KCNH1: variants seen among roughly 807,000 people sequenced by gnomAD.
The protein encoded by KCNH1 is potassium voltage-gated channel subfamily H member 1.
KCNH1 carries 27 observed loss-of-function variants against 69.2 expected under a neutral mutation model. That is an observed-to-expected ratio of 0.39 (90% confidence interval 0.29 to 0.54). The LOEUF is 0.54. Among genes scored for constraint, KCNH1 ranks in the 20% least tolerant of loss-of-function variants. The pLI is 0.68. For missense variants in KCNH1, 798 were observed against 1,261.6 expected, an observed-to-expected ratio of 0.63 and a Z score of 5.57; for synonymous variants, 456 against 487.7, an observed-to-expected ratio of 0.93 and a Z score of 0.86.
At chr1:211,101,085 G>A (rs928497718) in intron 3 of KCNH1, among the ~76,000 whole-genome samples, 93 of 152,272 alleles carry the variant, frequency 6.1e-4, no homozygotes, top group African/African-American at 2.2e-3. Context: ...ACTTATGCCT[G>A]TTAGGAAGAT....
At chr1:211,025,121 C>T (rs1220081299) in intron 5 of KCNH1, among the ~76,000 whole-genome samples, 9 of 152,186 alleles carry the variant, frequency 5.9e-5, no homozygotes, top group African/African-American at 2.2e-4. Context: ...TAGTCAAAGG[C>T]AACAAGCTGT....
intron 7 of KCNH1, among the ~76,000 whole-genome samples, chr1:210,866,206 G>A (rs536206739): frequency 2.0e-5 from 3 of 152,200 alleles, no homozygotes; most frequent in East Asian, 1.9e-4. Flanking sequence ...CCCTGAGTTA[G>A]GCAAAGCCTT....
chr1:211,085,432 T>G (rs1013966588), intron 4 of KCNH1, among the ~76,000 whole-genome samples: 2 of 150,026 alleles, frequency 1.3e-5, no homozygotes, highest in African/African-American at 4.9e-5. Context: ...GAGATACACA[T>G]GCCAATTTGC....
At chr1:210,691,896 C>T (rs1293806389) in intron 10 of KCNH1, among the ~76,000 whole-genome samples, 1 of 152,254 alleles carries the variant, frequency 6.6e-6, no homozygotes. Flanking sequence ...TCCTGCCTCC[C>T]TGGAGGATGC....
chr1:210,881,121 G>A (rs758143064), intron 7 of KCNH1, among the ~76,000 whole-genome samples: 88 of 151,658 alleles, frequency 5.8e-4, no homozygotes, highest in Non-Finnish European at 8.5e-4. Flanking sequence ...AGGTTCAAGC[G>A]ATTCTCGTGC....
intron 7 of KCNH1, among the ~76,000 whole-genome samples, chr1:210,895,365 A>AGG: frequency 1.3e-5 from 2 of 152,282 alleles, no homozygotes; most frequent in Middle Eastern, 6.8e-3. Flanking sequence ...AATAATTAAC[A>AGG]AAGATTAATT....
intron 7 of KCNH1, among the ~76,000 whole-genome samples, chr1:210,816,212 C>T (rs1684812882): frequency 6.6e-6 from 1 of 152,136 alleles, no homozygotes; most frequent in Admixed American, 6.5e-5. Flanking sequence ...AGCCTAAAAA[C>T]TCTCATTTAA....
rs190404347 is a variant in KCNH1 at position 210,832,100 on chromosome 1, C to T, written c.1463-27934G>A. Among the ~76,000 whole-genome samples, 62 of 152,166 alleles carry T rather than the reference C, an allele frequency of 4.1e-4. 1 individual carries two copies. In the East Asian group the frequency reaches 8.9e-3, roughly 22 times the overall value. On this transcript the variant is annotated intron_variant, in intron 7 of 10. Transcript: ENST00000271751. ...ATCTTCCCTTTTTCAGATAAACAGC[C>T]CTTGCTTTTAAATAGTTTCTCAAAA...
intron 10 of KCNH1, among the ~76,000 whole-genome samples, chr1:210,699,289 T>G (rs968120932): frequency 1.4e-4 from 21 of 152,216 alleles, no homozygotes; most frequent in Non-Finnish European, 1.2e-4. Context: ...GGCCCTCATG[T>G]GTCACTGATT....
chr1:211,113,323 T>C (rs1691506633), intron 1 of KCNH1, among the ~76,000 whole-genome samples: 1 of 152,224 alleles, frequency 6.6e-6, no homozygotes, highest in East Asian at 1.9e-4. Context: ...AATCAGACCA[T>C]TTCTATGAAT....
At chr1:210,886,223 C>A (rs1043504860) in intron 7 of KCNH1, among the ~76,000 whole-genome samples, 18 of 152,204 alleles carry the variant, frequency 1.2e-4, no homozygotes, top group African/African-American at 4.1e-4. Context: ...TGCTGTTCTG[C>A]AGCCTCTGCT....
At chr1:210,861,473 G>T in intron 7 of KCNH1, 1 of 775,224 alleles carries the variant, frequency 1.3e-6, no homozygotes. Flanking sequence ...AAAAAGTCTT[G>T]CTAAAATATG....
chr1:210,708,536 C>G (rs1681971773), intron 10 of KCNH1, among the ~76,000 whole-genome samples: 1 of 152,024 alleles, frequency 6.6e-6, no homozygotes, highest in African/African-American at 2.4e-5. Context: ...CATAAATTGA[C>G]CCTATATAAA....
chr1:210,894,593 T>C (rs1363776525), intron 7 of KCNH1, among the ~76,000 whole-genome samples: 2 of 152,196 alleles, frequency 1.3e-5, no homozygotes, highest in Non-Finnish European at 2.9e-5. Context: ...GGTCTGAATA[T>C]GTCCCTCAAA....
rs145248227 is a variant in KCNH1 at position 210,683,309 on chromosome 1, G to T, written c.2942C>A (p.Ser981Ter). 1 of 1,613,768 alleles carries T rather than the reference G, an allele frequency of 6.2e-7. No individual in the cohort carries two copies. The highest frequency in any genetic ancestry group is 8.5e-7 in the Non-Finnish European group (1 of 1,179,938). The change falls in exon 11 of 11, where the codon TCA becomes TAA. Residue 981 changes from serine to a stop codon, truncating the protein, a stop_gained. Coordinates refer to ENST00000271751, the MANE Select transcript of KCNH1 (RefSeq NM_172362.3). LOFTEE classifies it high-confidence loss of function. This position sits in a 1 kb window ranked among gnomAD's most constrained non-coding sequence, Gnocchi z 5.7. ...GCTGGCTCCAAAAATGTCTCTCTCT[G>T]ATTCTGGGGACTGTGGCCTCGATAT... is the stretch of plus-strand genomic sequence containing the variant. ...FEISRPQSPE[S>*]ERDIFGAS
intron 8 of KCNH1, among the ~76,000 whole-genome samples, chr1:210,803,048 C>T (rs747199137): frequency 6.6e-6 from 1 of 152,178 alleles, no homozygotes; most frequent in African/African-American, 2.4e-5. Flanking sequence ...CTCACCTCCC[C>T]CAAGTTCTCA....
intron 10 of KCNH1, among the ~76,000 whole-genome samples, chr1:210,725,818 C>T (rs1682577028): frequency 6.6e-6 from 1 of 152,176 alleles, no homozygotes; most frequent in Non-Finnish European, 1.5e-5. Context: ...CTTGTTAGGG[C>T]TGTGTTCTTT....
At chr1:211,098,363 C>A (rs1179908395) in intron 3 of KCNH1, among the ~76,000 whole-genome samples, 1 of 149,544 alleles carries the variant, frequency 6.7e-6, no homozygotes, top group Non-Finnish European at 1.5e-5. Context: ...ATACAGCATA[C>A]TAAACATTAG....
rs548394130 is a variant in KCNH1 at position 210,889,398 on chromosome 1, C to T, written c.1462+30242G>A. 4.6e-5 allele frequency among the ~76,000 whole-genome samples: 7 copies of T among 152,282 alleles called. No homozygotes were observed. In the South Asian group the frequency reaches 6.2e-4, roughly 14 times the overall value. On this transcript the variant is annotated intron_variant, in intron 7 of 10. Coordinates refer to ENST00000271751, the MANE Select transcript of KCNH1 (RefSeq NM_172362.3). The stretch of plus-strand genomic sequence containing the variant: ...CTCAATAAACTAGGTATTGACGGAA[C>T]GTATCTCAAAATAATGAGAGCTATT...
Sources: gnomAD v4.1 joint callset for allele counts (sites outside exome capture counted in the v4.1 genomes callset) on GRCh38, gnomAD v4.1.1 for gene constraint, Gnocchi (gnomAD v3.1) non-coding constraint, MANE v1.5 for transcripts, NCBI Gene and HGNC (gene_info 2026-07-23, HGNC 2026-07-21) for gene names.